Variants in OPRL1 observed in about 807,000 individuals in gnomAD.
OPRL1 encodes the protein opioid related nociceptin receptor 1, also known as nociceptin receptor.
Under a neutral mutation model 15.5 loss-of-function variants are expected in OPRL1, and 5 were observed. That is an observed-to-expected ratio of 0.32 (90% CI 0.17 to 0.68). The LOEUF (loss-of-function observed/expected upper bound fraction) is 0.68. Ranked by LOEUF, OPRL1 falls within the 30% of genes least tolerant of loss-of-function variation. The pLI, the probability that OPRL1 is intolerant of heterozygous loss-of-function variation, is 0.72. For synonymous variants in OPRL1, 223 were observed against 230.2 expected (o/e 0.97, Z 0.28); for missense variants, 406 against 515.3 (o/e 0.79, Z 2.05).
chr20:64,084,466 T>C (rs894034570), intron 1 of OPRL1: 1 of 981,012 alleles, frequency 1.0e-6, no homozygotes, highest in Non-Finnish European at 1.3e-6. Context: ...ACTAGGACTT[T>C]CTGATCAACT....
At position 64,089,880 on chromosome 20, in the gene OPRL1, G is replaced by C. The variant is rs571388665; in HGVS notation, c.-184-2086G>C. ...CAGGAAGCTCGGGTAGGAGGGTCTA[G>C]GGTCTCCTGCTCAGACGTTGGTGAG... is the stretch of plus-strand genomic sequence containing the variant. On this transcript the variant is annotated intron_variant, in intron 1 of 4. Transcript: ENST00000336866. The surrounding 1 kb of genome is among the most constrained non-coding windows in gnomAD (Gnocchi z 5.5). Among the ~76,000 whole-genome samples, 1 of 152,280 alleles carries C rather than the reference G, an allele frequency of 6.6e-6. No individual in the cohort carries two copies. The highest frequency in any genetic ancestry group is 2.1e-4 in the South Asian group (1 of 4,822).
rs193158090 is a variant in OPRL1, at chr20:64,090,136, A to C, written c.-184-1830A>C. Among the ~76,000 whole-genome samples, 44 of 152,196 alleles carry C rather than the reference A, an allele frequency of 2.9e-4. No individual in the cohort carries two copies. In the East Asian group the frequency reaches 8.5e-3, roughly 29 times the overall value. On this transcript the variant is annotated intron_variant, in intron 1 of 4. Transcript: ENST00000336866. The surrounding 1 kb of genome is among the most constrained non-coding windows in gnomAD (Gnocchi z 4.9). ...TGCGTGCACGTTGGCGTCATCTTGC[A>C]TGTGTGTGGCCCGTGTGTTTGTGCA...
At position 64,090,140 on chromosome 20, in the gene OPRL1, G is replaced by A. The variant is rs1216008572; in HGVS notation, c.-184-1826G>A. On this transcript the variant is annotated intron_variant, in intron 1 of 4. Transcript: ENST00000336866. The surrounding 1 kb of genome is among the most constrained non-coding windows in gnomAD (Gnocchi z 4.9). ...TGCACGTTGGCGTCATCTTGCATGT[G>A]TGTGGCCCGTGTGTTTGTGCATCCC... is the stretch of plus-strand genomic sequence containing the variant. 3.9e-5 allele frequency among the ~76,000 whole-genome samples: 6 copies of A among 152,220 alleles called. No homozygotes were observed. The highest frequency in any genetic ancestry group is 6.5e-5 in the Admixed American group (1 of 15,284).
chr20:64,088,054 A>C lies in OPRL1; in HGVS notation c.-184-3912A>C, dbSNP rs549546180. 3.3e-5 allele frequency among the ~76,000 whole-genome samples: 5 copies of C among 152,384 alleles called. No individual in the cohort carries two copies. In the South Asian group the frequency reaches 1.0e-3, roughly 32 times the overall value. The stretch of plus-strand genomic sequence containing the variant: ...TCTAAGACTGCGCCTGTGAGGGGCC[A>C]GGTGCCTGCCTCCTGCGGGGCTCTG... On this transcript the variant is annotated intron_variant, in intron 1 of 4. Coordinates refer to ENST00000336866, the MANE Select transcript of OPRL1 (RefSeq NM_182647.4).
intron 3 of OPRL1, 44 bp downstream of exon 3, chr20:64,092,997 C>A: frequency 6.4e-7 from 1 of 1,551,160 alleles, no homozygotes; most frequent in Non-Finnish European, 8.9e-7. Flanking sequence ...TCCCACACGG[C>A]TGCAGAGGGG....
chr20:64,097,640 T>G lies in OPRL1; in HGVS notation c.234-162T>G, dbSNP rs1317871916. ...TGAGACTGACTCATGAGTCTCAGGT[T>G]GGGTCCAGGAGCTATCACTTACCAA... is the stretch of plus-strand genomic sequence containing the variant. On this transcript the variant is annotated intron_variant, in intron 3 of 4. Transcript: ENST00000336866. The surrounding 1 kb of genome is among the most constrained non-coding windows in gnomAD (Gnocchi z 4.2). 6.6e-6 allele frequency among the ~76,000 whole-genome samples: 1 copy of G among 152,170 alleles called. No individual in the cohort carries two copies. Among genetic ancestry groups the G allele is most frequent in the Non-Finnish European group, 1.5e-5 (1 of 68,014 alleles).
chr20:64,090,546 AG>A lies in OPRL1; in HGVS notation c.-184-1418del, dbSNP rs2060109431. Among the ~76,000 whole-genome samples, 1 of 152,202 alleles carries A rather than the reference AG, an allele frequency of 6.6e-6. No homozygotes were observed. Among genetic ancestry groups the A allele is most frequent in the African/African-American group, 2.4e-5 (1 of 41,446 alleles). The stretch of plus-strand genomic sequence containing the variant: ...TCTGGTTTTCCTGCAAAGCTCGTGC[AG>A]GAAGTACAACCCCATGACCGGGAGG... On this transcript the variant is annotated intron_variant, in intron 1 of 4. Coordinates refer to ENST00000336866, the MANE Select transcript of OPRL1 (RefSeq NM_182647.4). This position sits in a 1 kb window ranked among gnomAD's most constrained non-coding sequence, Gnocchi z 4.9.
rs2145631511 is a variant in OPRL1 at position 64,098,925 on chromosome 20, A to G, written c.*126A>G. The G allele has an allele frequency of 7.6e-7, 1 of 1,317,640 alleles. No homozygotes were observed. The allele number at this position is 1,317,640 out of a possible 1,614,324, so 81.6% of individuals were successfully genotyped here. ...GGGCCCTGAGCATCCAGAGCCTGGGATGGGCTTTTCCCTGTGGGCCAGGGA... is the reference window on the plus strand; with the variant it reads ...GGGCCCTGAGCATCCAGAGCCTGGGGTGGGCTTTTCCCTGTGGGCCAGGGA... On this transcript the variant is annotated 3_prime_UTR_variant, in exon 5 of 5. Coordinates refer to ENST00000336866, the MANE Select transcript of OPRL1 (RefSeq NM_182647.4).
At chr20:64,081,141 G>A (rs954930526) in intron 1 of OPRL1, among the ~76,000 whole-genome samples, 3 of 151,948 alleles carry the variant, frequency 2.0e-5, no homozygotes, top group Non-Finnish European at 2.9e-5. Context: ...GCGGGGGCCC[G>A]AAGGGGGAGG....
chr20:64,088,708 G>C (rs1319329168), intron 1 of OPRL1, among the ~76,000 whole-genome samples: 1 of 124,540 alleles, frequency 8.0e-6, no homozygotes. Flanking sequence ...GCCAGGGTCT[G>C]TGCAGAGTGG....
In OPRL1 at chr20:64,100,555, T is replaced by A. The variant is rs1347243351; in HGVS notation, c.*1756T>A. 1 of 152,258 alleles carries A rather than the reference T, an allele frequency of 6.6e-6. No homozygotes were observed. The highest frequency in any genetic ancestry group is 1.9e-4 in the East Asian group (1 of 5,208). 9.4% of individuals were successfully genotyped at this position (152,258 alleles called of 1,614,324 possible). On this transcript the variant is annotated 3_prime_UTR_variant, in exon 5 of 5. Transcript: ENST00000336866. ...TATGCATGTGGCAAGCGTTACTTCC[T>A]GTGCACGTAGCCAGCCCTGGGTCTG...
At position 64,098,719 on chromosome 20, in the gene OPRL1, G is replaced by C; in HGVS notation, c.1033G>C (p.Val345Leu). The C allele has an allele frequency of 6.2e-7, 1 of 1,612,228 alleles. No individual in the cohort carries two copies. Among genetic ancestry groups the C allele is most frequent in the Non-Finnish European group, 8.5e-7 (1 of 1,179,974 alleles). Residue 345 changes from valine (V) to leucine (L), a missense_variant, in exon 5 of 5, where the codon GTG becomes CTG. Coordinates refer to ENST00000336866, the MANE Select transcript of OPRL1 (RefSeq NM_182647.4). ...CASALRRDVQ[V>L]SDRVRSIAKD... is the part of the protein sequence containing the mutation. ...ATCTGCCCTGCGCCGGGACGTGCAG[G>C]TGTCTGACCGCGTGCGCAGCATTGC... is the stretch of plus-strand genomic sequence containing the variant.
chr20:64,080,917 A>G (rs1040038628), intron 1 of OPRL1, among the ~76,000 whole-genome samples: 7 of 152,220 alleles, frequency 4.6e-5, no homozygotes, highest in Non-Finnish European at 8.8e-5. Context: ...GTGCAAAGGC[A>G]GCTGGAGATT....
rs762691923 is a variant in OPRL1 at position 64,083,520 on chromosome 20, G to C, written c.-185+3168G>C. The C allele has an allele frequency of 1.3e-5, 21 of 1,572,100 alleles. No individual in the cohort carries two copies. Among genetic ancestry groups the C allele is most frequent in the Non-Finnish European group, 1.8e-5 (21 of 1,159,754 alleles). ...CTGCCGGGGAGAGAGGCTGGGGTCC[G>C]GCGTGTGCGGAGGCGGGCAGGGCCC... is the stretch of plus-strand genomic sequence containing the variant. On this transcript the variant is annotated intron_variant, in intron 1 of 4. Coordinates refer to ENST00000336866, the MANE Select transcript of OPRL1 (RefSeq NM_182647.4). The surrounding 1 kb of genome is among the most constrained non-coding windows in gnomAD (Gnocchi z 4.9).
At position 64,083,678 on chromosome 20, in the gene OPRL1, G is replaced by C; in HGVS notation, c.-185+3326G>C. ...ATGGCGGCGCGCGCGGACTTCTGCC[G>C]CTGGATGAGCAGCGCGATCTCCTCG... On this transcript the variant is annotated intron_variant, in intron 1 of 4. Transcript: ENST00000336866. The surrounding 1 kb of genome is among the most constrained non-coding windows in gnomAD (Gnocchi z 4.9). 7.0e-7 allele frequency: 1 copy of C among 1,426,064 alleles called. No homozygotes were observed. The highest frequency in any genetic ancestry group is 9.1e-7 in the Non-Finnish European group (1 of 1,097,364). The allele number at this position is 1,426,064 out of a possible 1,614,324, so 88.3% of individuals were successfully genotyped here.
In OPRL1 at chr20:64,092,630, G is replaced by A. The variant is rs888163931; in HGVS notation, c.-33-58G>A. On this transcript the variant is annotated intron_variant, in intron 2 of 4. Transcript: ENST00000336866. ...CTGGGCTGCACGTGCTGGGTTGTGA[G>A]GCCTCCGCTGGGCGTGTGTCTGGCA... The A allele has an allele frequency of 8.7e-6, 12 of 1,379,986 alleles. No homozygotes were observed. The Admixed American group carries it at 1.5e-4, about 17-fold the overall frequency. 85.5% of individuals were successfully genotyped at this position (1,379,986 alleles called of 1,614,324 possible).
chr20:64,096,350 C>G (rs1305122401), intron 3 of OPRL1, among the ~76,000 whole-genome samples: 1 of 152,112 alleles, frequency 6.6e-6, no homozygotes, highest in Non-Finnish European at 1.5e-5. Flanking sequence ...TCTTGGGAGT[C>G]AGGACACTCC....
intron 1 of OPRL1, among the ~76,000 whole-genome samples, chr20:64,082,807 G>T (rs1461330362): frequency 6.9e-6 from 1 of 145,262 alleles, no homozygotes; most frequent in Non-Finnish European, 1.5e-5. Flanking sequence ...TGTGTGTGGG[G>T]TGTGTGTGTG....
chr20:64,088,687 T>TGTGAAGAGTGGCCAGGATCC (rs2060082596), intron 1 of OPRL1, among the ~76,000 whole-genome samples: 1 of 134,282 alleles, frequency 7.4e-6, no homozygotes, highest in African/African-American at 2.8e-5. Context: ...GGCCAGGATC[T>TGTGAAGAGTGGCCAGGATCC]GTGCAGGGAG....
Sources: allele counts gnomAD v4.1 joint callset (sites outside exome capture counted in the v4.1 genomes callset), GRCh38; gene constraint gnomAD v4.1.1; non-coding constraint Gnocchi (gnomAD v3.1); transcripts MANE v1.5; gene names NCBI Gene and HGNC (gene_info 2026-07-23, HGNC 2026-07-21).